Variants in BMX observed in about 807,000 individuals in gnomAD.
The protein encoded by BMX is cytoplasmic tyrosine-protein kinase BMX.
BMX carries 31 observed loss-of-function variants against 59.2 expected under a neutral mutation model. That is an observed-to-expected ratio of 0.52 (90% confidence interval 0.39 to 0.71). The LOEUF (loss-of-function observed/expected upper bound fraction) is 0.71. BMX is among the 30% of genes least tolerant of loss of function. The probability of loss-of-function intolerance (pLI) is 0.00; values close to 1 mark genes in which losing one functional copy is unlikely to be tolerated. For synonymous variants in BMX, 185 were observed against 181.0 expected (o/e 1.02, Z -0.18); for missense variants, 474 against 491.7 (o/e 0.96, Z 0.34).
chrX:15,542,501 T>A (rs1372817409), intron 15 of BMX, among the ~76,000 whole-genome samples: 2 of 111,218 alleles, frequency 1.8e-5, no homozygotes, highest in Non-Finnish European at 1.9e-5. Flanking sequence ...TAAACCCAAA[T>A]TGACCTTCAT....
At chrX:15,515,713 G>C (rs1277706050) in intron 4 of BMX, among the ~76,000 whole-genome samples, 1 of 110,929 alleles carries the variant, frequency 9.0e-6, no homozygotes, top group African/African-American at 3.3e-5. Context: ...GTTTATTCAG[G>C]CCTTTTTTTT....
chrX:15,511,514 A>G lies in BMX; in HGVS notation c.321A>G (p.Gln107=), dbSNP rs1042139244. The part of the protein sequence containing the change: ...ESRSQWLKAL[Q]KEIRGNPHLL... Reference sequence around the variant, plus strand: ...GAAGTCAGTGGTTGAAAGCATTACAAAAAGGTAATTCAAAAAAAGAAATGT... The same window carrying G: ...GAAGTCAGTGGTTGAAAGCATTACAGAAAGGTAATTCAAAAAAAGAAATGT... The change falls in exon 4 of 19, where the codon CAA becomes CAG. Residue 107 remains glutamine (Q), a synonymous_variant. Transcript: ENST00000348343. The G allele has an allele frequency of 9.2e-6, 11 of 1,198,104 alleles. No individual in the cohort carries two copies. Among genetic ancestry groups the G allele is most frequent in the East Asian group, 8.9e-5 (3 of 33,677 alleles).
chrX:15,526,948 A>T (rs1234230980), intron 9 of BMX, among the ~76,000 whole-genome samples: 2 of 110,013 alleles, frequency 1.8e-5, no homozygotes, highest in Non-Finnish European at 3.8e-5. Context: ...ACTATTAAAA[A>T]TTATACCCGT....
intron 12 of BMX, among the ~76,000 whole-genome samples, chrX:15,535,558 T>C (rs910251793): frequency 8.9e-6 from 1 of 112,282 alleles, no homozygotes; most frequent in Non-Finnish European, 1.9e-5. Flanking sequence ...TATATTTGGA[T>C]TTTTATCTCA....
rs759237365 is a variant in BMX at position 15,517,885 on chromosome X, T to C, written c.446-44T>C. 4.6e-6 allele frequency: 5 copies of C among 1,093,294 alleles called. No homozygotes were observed. In the African/African-American group the frequency reaches 5.5e-5, roughly 12 times the overall value. 90.1% of individuals were successfully genotyped at this position (1,093,294 alleles called of 1,213,427 possible). On this transcript the variant is annotated intron_variant, in intron 5 of 18. Coordinates refer to ENST00000348343, the MANE Select transcript of BMX (RefSeq NM_203281.3). ...CATAACATTGAGTGTTTCTCTTTGT[T>C]TTGTTTAAAGTTCCTTCTGATATTA... is the stretch of plus-strand genomic sequence containing the variant.
intron 6 of BMX, among the ~76,000 whole-genome samples, chrX:15,520,001 G>C (rs900614820): frequency 8.9e-6 from 1 of 111,908 alleles, no homozygotes; most frequent in African/African-American, 3.2e-5. Flanking sequence ...ATTTGGAGGG[G>C]TCGAATATCC....
At position 15,509,447 on chromosome X, in the gene BMX, C is replaced by T. The variant is rs746831907; in HGVS notation, c.243+14C>T. On this transcript the variant is annotated intron_variant, in intron 3 of 18. Transcript: ENST00000348343. ...TACCCATTTCAGGTAAAGGGAAGAA[C>T]GACATTGCATTGGGTGGATAGTTCT... 15 of 1,108,045 alleles carry T rather than the reference C, an allele frequency of 1.4e-5. No individual in the cohort carries two copies. Among genetic ancestry groups the T allele is most frequent in the African/African-American group, 3.7e-5 (2 of 54,585 alleles). The allele number at this position is 1,108,045 out of a possible 1,213,427, so 91.3% of individuals were successfully genotyped here.
chrX:15,509,320 T>A lies in BMX; in HGVS notation c.139-9T>A. 1.7e-6 allele frequency: 2 copies of A among 1,189,058 alleles called. No individual in the cohort carries two copies. The highest frequency in any genetic ancestry group is 2.3e-6 in the Non-Finnish European group (2 of 883,662). On this transcript the variant is annotated splice_polypyrimidine_tract_variant and intron_variant, in intron 2 of 18. Transcript: ENST00000348343. ...CAGGAAGTATCTTACATTTTGTTTT[T>A]TAATTCAGAAAAGGGGCAGCAGAAA... is the stretch of plus-strand genomic sequence containing the variant.
intron 4 of BMX, among the ~76,000 whole-genome samples, chrX:15,514,225 T>C (rs1041535914): frequency 8.9e-6 from 1 of 112,128 alleles, no homozygotes; most frequent in African/African-American, 3.2e-5. Context: ...AAACTTACGT[T>C]TTATAATTTT....
chrX:15,537,315 T>C lies in BMX; in HGVS notation c.1394+10T>C, dbSNP rs1019704372. On this transcript the variant is annotated intron_variant, in intron 14 of 18. Transcript: ENST00000348343. ...AGGCCCAGACTATGATGTAAGTTTT[T>C]CCCAAGGAATGGCTGTTTAGCCCTC... is the stretch of plus-strand genomic sequence containing the variant. 1.7e-6 allele frequency: 2 copies of C among 1,207,934 alleles called. No homozygotes were observed. The highest frequency in any genetic ancestry group is 2.2e-6 in the Non-Finnish European group (2 of 894,291).
At chrX:15,541,777 T>A (rs1330549506) in intron 14 of BMX, among the ~76,000 whole-genome samples, 4 of 111,382 alleles carry the variant, frequency 3.6e-5, no homozygotes, top group Non-Finnish European at 7.5e-5. Flanking sequence ...CACCAATGTC[T>A]GATATGAGGC....
At chrX:15,510,513 A>G (rs1340304399) in intron 3 of BMX, among the ~76,000 whole-genome samples, 1 of 111,106 alleles carries the variant, frequency 9.0e-6, no homozygotes, top group African/African-American at 3.3e-5. Flanking sequence ...TCATCTCTAC[A>G]TAAACATTGT....
At position 15,536,348 on chromosome X, in the gene BMX, T is replaced by G; in HGVS notation, c.1148-5T>G. ...TGTGATGATATGATGCTGATTCCAT[T>G]GCAGGCATGATCACACGGCTCCGCC... is the stretch of plus-strand genomic sequence containing the variant. On this transcript the variant is annotated splice_polypyrimidine_tract_variant and splice_region_variant and intron_variant, in intron 12 of 18. Transcript: ENST00000348343. 2 of 1,207,836 alleles carry G rather than the reference T, an allele frequency of 1.7e-6. No homozygotes were observed. Among genetic ancestry groups the G allele is most frequent in the Non-Finnish European group, 2.2e-6 (2 of 892,832 alleles).
chrX:15,549,752 G>C lies in BMX; in HGVS notation c.1796-88G>C, dbSNP rs1569231647. ...CTCTGACCCATAGCCTTCCTGACCT[G>C]TTGTGTGAAACTCACTCCACAAACC... On this transcript the variant is annotated intron_variant, in intron 17 of 18. Transcript: ENST00000348343. 5.6e-6 allele frequency: 6 copies of C among 1,062,793 alleles called. No individual in the cohort carries two copies. In the Admixed American group the frequency reaches 1.6e-4, roughly 29 times the overall value. The allele number at this position is 1,062,793 out of a possible 1,213,427, so 87.6% of individuals were successfully genotyped here. A position where few individuals can be genotyped will look rare whatever the true frequency, so the allele number is the denominator to read the frequency against.
At position 15,530,028 on chromosome X, in the gene BMX, G is replaced by A. The variant is rs1569225529; in HGVS notation, c.939+1G>A. 8.3e-7 allele frequency: 1 copy of A among 1,204,180 alleles called. No individual in the cohort carries two copies. Among genetic ancestry groups the A allele is most frequent in the African/African-American group, 1.7e-5 (1 of 57,732 alleles). ...ATCTGAACAGTTACTCAGACAAAAG[G>A]TAAATAGTCTTGTCTTTAAAACAGC... On this transcript the variant is annotated splice_donor_variant, in intron 10 of 18. Coordinates refer to ENST00000348343, the MANE Select transcript of BMX (RefSeq NM_203281.3). LOFTEE classifies it high-confidence loss of function.
chrX:15,549,764 TCA>T (rs1926103947), intron 17 of BMX, 74 bp from the exon 18 acceptor site: 3 of 1,099,314 alleles, frequency 2.7e-6, no homozygotes, highest in Non-Finnish European at 3.6e-6. Flanking sequence ...TGTGTGAAAC[TCA>T]CTCCACAAAC....
intron 1 of BMX, among the ~76,000 whole-genome samples, chrX:15,507,146 T>C (rs1414649259): frequency 1.8e-5 from 2 of 113,065 alleles, no homozygotes; most frequent in Non-Finnish European, 3.7e-5. Flanking sequence ...GGGTCCATCA[T>C]ACTCCCAGGC....
At chrX:15,552,306 T>C (rs2147146705) in intron 18 of BMX, among the ~76,000 whole-genome samples, 1 of 112,112 alleles carries the variant, frequency 8.9e-6, no homozygotes. Flanking sequence ...GGAGAAACTG[T>C]GGTCCTTTAT....
chrX:15,510,613 C>T (rs1923918066), intron 3 of BMX, among the ~76,000 whole-genome samples: 1 of 111,875 alleles, frequency 8.9e-6, no homozygotes, highest in South Asian at 3.8e-4. Context: ...AGGCATAGTG[C>T]TCAAAAGATC....
Sources: allele counts gnomAD v4.1 joint callset (sites outside exome capture counted in the v4.1 genomes callset), GRCh38; gene constraint gnomAD v4.1.1; transcripts MANE v1.5; gene names NCBI Gene and HGNC (gene_info 2026-07-23, HGNC 2026-07-21).